The following C1orf21 variants were observed in gnomAD, a reference collection of about 807,000 sequenced individuals.
C1orf21 encodes the protein chromosome 1 open reading frame 21.
C1orf21 carries 3 observed loss-of-function variants against 18.7 expected under a neutral mutation model. The observed-to-expected ratio is 0.16, with a 90% CI of 0.07 to 0.42. C1orf21 has a LOEUF of 0.42. Ranked by LOEUF, C1orf21 falls within the 10% of genes least tolerant of loss-of-function variation. The pLI is 0.99. For synonymous variants in C1orf21, 41 were observed against 46.4 expected (o/e 0.88, Z 0.47); for missense variants, 104 against 143.6 (o/e 0.72, Z 1.41).
chr1:184,559,531 CTT>C (rs1321786037), intron 3 of C1orf21, among the ~76,000 whole-genome samples: 42 of 124,692 alleles, frequency 3.4e-4, no homozygotes, highest in East Asian at 7.5e-4. Flanking sequence ...TCCTTCCTTC[CTT>C]CCTTCCTTCC....
chr1:184,388,418 T>A (rs1655920529), intron 1 of C1orf21, among the ~76,000 whole-genome samples: 1 of 152,192 alleles, frequency 6.6e-6, no homozygotes, highest in African/African-American at 2.4e-5. Context: ...ATCTCTTCCA[T>A]TGCCGGTGGG....
chr1:184,410,629 A>AT lies in C1orf21; in HGVS notation c.-125+23262dup, dbSNP rs529584381. The stretch of plus-strand genomic sequence containing the variant: ...TTTGCCATATATATTATATATATAT[A>AT]TATATATATATATATATATATATAT... On this transcript the variant is annotated intron_variant, in intron 1 of 5. Transcript: ENST00000235307. Among the ~76,000 whole-genome samples the AT allele has an allele frequency of 0.033, 91 of 2,730 alleles. 28 individuals are homozygous for AT. In the African/African-American group the frequency reaches 0.41, roughly 12 times the overall value. 1.8% of individuals were successfully genotyped at this position (2,730 alleles called of 152,430 possible). A position where few individuals can be genotyped will look rare whatever the true frequency, so the allele number is the denominator to read the frequency against.
chr1:184,578,061 A>G lies in C1orf21; in HGVS notation c.190-12678A>G, dbSNP rs369512024. Among the ~76,000 whole-genome samples the G allele has an allele frequency of 8.6e-5, 13 of 150,906 alleles. No homozygotes were observed. In the East Asian group the frequency reaches 2.2e-3, roughly 25 times the overall value. On this transcript the variant is annotated intron_variant, in intron 3 of 5. Transcript: ENST00000235307. ...AACCTCCACCTCCGGGGTTCAAGCAATTCTCCTGCCTCAGCCTCCCGAATA... is the reference window on the plus strand; with the variant it reads ...AACCTCCACCTCCGGGGTTCAAGCAGTTCTCCTGCCTCAGCCTCCCGAATA...
intron 2 of C1orf21, among the ~76,000 whole-genome samples, chr1:184,506,058 T>C (rs1658056461): frequency 6.6e-6 from 1 of 152,176 alleles, no homozygotes; most frequent in African/African-American, 2.4e-5. Context: ...TAGAATTCTT[T>C]TGTATTGTAA....
chr1:184,402,176 G>A (rs1470398211), intron 1 of C1orf21, among the ~76,000 whole-genome samples: 2 of 152,078 alleles, frequency 1.3e-5, no homozygotes, highest in South Asian at 2.1e-4. Flanking sequence ...ATGTTTCAAG[G>A]TCTCAGTAGC....
At chr1:184,405,178 A>C (rs1656225331) in intron 1 of C1orf21, among the ~76,000 whole-genome samples, 1 of 152,096 alleles carries the variant, frequency 6.6e-6, no homozygotes, top group Admixed American at 6.5e-5. Context: ...TGTTTTTATT[A>C]GACCCAGTGC....
intron 3 of C1orf21, among the ~76,000 whole-genome samples, chr1:184,538,826 T>G (rs1658600015): frequency 6.6e-6 from 1 of 152,246 alleles, no homozygotes. Context: ...TACCTTTATG[T>G]CAGTACCACA....
intron 3 of C1orf21, among the ~76,000 whole-genome samples, chr1:184,573,003 A>G (rs776997650): frequency 6.6e-6 from 1 of 151,910 alleles, no homozygotes; most frequent in Non-Finnish European, 1.5e-5. Context: ...CTTGTATGTA[A>G]GTCTCATGGT....
Position 184,622,192 on chromosome 1 carries a change from C to T in C1orf21, c.*2636C>T, listed in dbSNP as rs1659927235. The T allele has an allele frequency of 6.6e-6, 1 of 152,168 alleles. No homozygotes were observed. Among genetic ancestry groups the T allele is most frequent in the Non-Finnish European group, 1.5e-5 (1 of 68,058 alleles). 9.4% of individuals were successfully genotyped at this position (152,168 alleles called of 1,614,324 possible). A position where few individuals can be genotyped will look rare whatever the true frequency, so the allele number is the denominator to read the frequency against. On this transcript the variant is annotated 3_prime_UTR_variant, in exon 6 of 6. Transcript: ENST00000235307. ...GCTGGTGCACTCTGCTAGTTGTTAT[C>T]TCTGTAGGGCTCAGGAAGCTGGAAG...
At chr1:184,429,017 C>G (rs1656689398) in intron 1 of C1orf21, among the ~76,000 whole-genome samples, 1 of 152,164 alleles carries the variant, frequency 6.6e-6, no homozygotes, top group Non-Finnish European at 1.5e-5. Flanking sequence ...TGGCTCCATC[C>G]CCCAACCCAG....
intron 5 of C1orf21, among the ~76,000 whole-genome samples, chr1:184,600,191 G>A (rs1022078522): frequency 6.6e-6 from 1 of 150,378 alleles, no homozygotes; most frequent in Non-Finnish European, 1.5e-5. Flanking sequence ...TTTTTGAGAC[G>A]AGGTCTCACT....
intron 1 of C1orf21, among the ~76,000 whole-genome samples, chr1:184,388,880 G>A (rs1229211687): frequency 6.6e-6 from 1 of 152,130 alleles, no homozygotes; most frequent in Non-Finnish European, 1.5e-5. Context: ...AGTTCAAGAT[G>A]CTGAATTTGG....
At chr1:184,493,046 A>C (rs1278192864) in intron 2 of C1orf21, among the ~76,000 whole-genome samples, 1 of 152,210 alleles carries the variant, frequency 6.6e-6, no homozygotes, top group African/African-American at 2.4e-5. Context: ...AAATTTACAG[A>C]AAGTCAGATT....
intron 1 of C1orf21, among the ~76,000 whole-genome samples, chr1:184,413,007 G>A (rs1656379767): frequency 6.6e-6 from 1 of 152,144 alleles, no homozygotes. Flanking sequence ...ATGACTGCAA[G>A]CATGGAGCAT....
chr1:184,451,379 C>T (rs193191738), intron 1 of C1orf21, among the ~76,000 whole-genome samples: 57 of 152,134 alleles, frequency 3.7e-4, no homozygotes, highest in African/African-American at 1.2e-3. Context: ...AAGCCCCGAC[C>T]TCCTGGGCTC....
intron 5 of C1orf21, among the ~76,000 whole-genome samples, chr1:184,611,373 A>G (rs903572498): frequency 1.3e-5 from 2 of 152,356 alleles, no homozygotes; most frequent in Non-Finnish European, 2.9e-5. Flanking sequence ...GATGGAAGGC[A>G]CCTGCTTCCT....
At chr1:184,508,851 C>G (rs1337457095) in intron 3 of C1orf21, among the ~76,000 whole-genome samples, 1 of 152,082 alleles carries the variant, frequency 6.6e-6, no homozygotes, top group Non-Finnish European at 1.5e-5. Context: ...AACATTAACA[C>G]TTAAATCCAG....
At position 184,625,895 on chromosome 1, in the gene C1orf21, C is replaced by T. The variant is rs1660001154; in HGVS notation, c.*6339C>T. 1 of 152,116 alleles carries T rather than the reference C, an allele frequency of 6.6e-6. No individual in the cohort carries two copies. Among genetic ancestry groups the T allele is most frequent in the African/African-American group, 2.4e-5 (1 of 41,400 alleles). The allele number at this position is 152,116 out of a possible 1,614,324, so 9.4% of individuals were successfully genotyped here. ...GCCTTACACACATAATAGACACATC[C>T]CTAACGGCGTGTGCCTGGTCCAGCC... On this transcript the variant is annotated 3_prime_UTR_variant, in exon 6 of 6. Coordinates refer to ENST00000235307, the MANE Select transcript of C1orf21 (RefSeq NM_030806.4).
intron 3 of C1orf21, among the ~76,000 whole-genome samples, chr1:184,533,419 A>G (rs556292498): frequency 6.6e-6 from 1 of 152,332 alleles, no homozygotes; most frequent in South Asian, 2.1e-4. Flanking sequence ...AGTGCTGGAT[A>G]AATATTTGCA....
Sources: gnomAD v4.1 joint callset for allele counts (sites outside exome capture counted in the v4.1 genomes callset) on GRCh38, gnomAD v4.1.1 for gene constraint, MANE v1.5 for transcripts, NCBI Gene and HGNC (gene_info 2026-07-23, HGNC 2026-07-21) for gene names.